The following ZNF385D variants were observed in gnomAD, a reference collection of about 807,000 sequenced individuals.
ZNF385D encodes zinc finger protein 385D.
In ZNF385D, 15 loss-of-function variants were observed where a neutral mutation model predicts 35.8. That is an observed-to-expected ratio of 0.42 (90% confidence interval 0.28 to 0.64). ZNF385D has a LOEUF of 0.64. Among genes scored for constraint, ZNF385D ranks in the 30% least tolerant of loss-of-function variants. The pLI, the probability that ZNF385D is intolerant of heterozygous loss-of-function variation, is 0.23. For synonymous variants in ZNF385D, 212 were observed against 186.8 expected, an observed-to-expected ratio of 1.13 and a Z score of -1.10; for missense variants, 474 against 494.6, an observed-to-expected ratio of 0.96 and a Z score of 0.39.
intron 1 of ZNF385D, among the ~76,000 whole-genome samples, chr3:21,696,331 C>A (rs186150643): frequency 1.3e-5 from 2 of 152,184 alleles, no homozygotes; most frequent in South Asian, 2.1e-4. Context: ...GTTACTTTAT[C>A]TATGAAATGG....
intron 2 of ZNF385D, among the ~76,000 whole-genome samples, chr3:22,251,518 C>T (rs924347358): frequency 6.6e-6 from 1 of 152,086 alleles, no homozygotes; most frequent in East Asian, 1.9e-4. Flanking sequence ...TCCACCTTTA[C>T]CTTAGACCAG....
chr3:22,068,640 T>C (rs1700083780), intron 3 of ZNF385D, among the ~76,000 whole-genome samples: 2 of 152,248 alleles, frequency 1.3e-5, no homozygotes, highest in Admixed American at 6.5e-5. Context: ...TTGATCTTTC[T>C]TTGGCTCTTC....
chr3:21,972,608 G>A (rs1703332155), intron 3 of ZNF385D, among the ~76,000 whole-genome samples: 1 of 151,360 alleles, frequency 6.6e-6, no homozygotes, highest in Non-Finnish European at 1.5e-5. Flanking sequence ...GAAATTGAAA[G>A]GTTAAAACAA....
intron 3 of ZNF385D, among the ~76,000 whole-genome samples, chr3:22,138,838 G>A (rs1425191971): frequency 3.9e-5 from 6 of 152,030 alleles, no homozygotes; most frequent in Admixed American, 1.3e-4. Flanking sequence ...AAACTAAAGA[G>A]CTTCTGCACA....
intron 2 of ZNF385D, among the ~76,000 whole-genome samples, chr3:22,340,053 G>T (rs935607876): frequency 1.3e-5 from 2 of 152,084 alleles, no homozygotes; most frequent in Admixed American, 6.5e-5. Context: ...CATTTTCATA[G>T]ATTCAATTAA....
At chr3:21,672,607 T>A (rs1339454064) in intron 1 of ZNF385D, among the ~76,000 whole-genome samples, 1 of 152,174 alleles carries the variant, frequency 6.6e-6, no homozygotes, top group African/African-American at 2.4e-5. Flanking sequence ...TTCGATCTTT[T>A]CCCATGAAGG....
chr3:21,929,431 T>A (rs1015250756), intron 3 of ZNF385D, among the ~76,000 whole-genome samples: 2 of 152,122 alleles, frequency 1.3e-5, no homozygotes, highest in African/African-American at 2.4e-5. Flanking sequence ...ATCTTGCCAA[T>A]TTTTATTTAT....
intron 3 of ZNF385D, among the ~76,000 whole-genome samples, chr3:21,779,289 T>C (rs2071404731): frequency 6.6e-6 from 1 of 152,020 alleles, no homozygotes; most frequent in African/African-American, 2.4e-5. Flanking sequence ...AATTGACTTC[T>C]AACTCAGTGA....
chr3:21,948,797 T>C (rs1433459656), intron 3 of ZNF385D, among the ~76,000 whole-genome samples: 4 of 152,134 alleles, frequency 2.6e-5, no homozygotes, highest in Admixed American at 2.6e-4. Flanking sequence ...AAATTAACTA[T>C]TATGTTACAA....
intron 2 of ZNF385D, among the ~76,000 whole-genome samples, chr3:21,649,613 CTT>C (rs2065854992): frequency 6.6e-6 from 1 of 152,182 alleles, no homozygotes. Context: ...GCTTCAGTCT[CTT>C]TCATTGAAAG....
chr3:22,227,367 T>C (rs1429359665), intron 2 of ZNF385D, among the ~76,000 whole-genome samples: 1 of 152,122 alleles, frequency 6.6e-6, no homozygotes, highest in Non-Finnish European at 1.5e-5. Context: ...TCTGATTGTG[T>C]GTCATAAGAC....
intron 3 of ZNF385D, among the ~76,000 whole-genome samples, chr3:21,907,406 A>G (rs1005131502): frequency 3.9e-5 from 6 of 152,180 alleles, no homozygotes; most frequent in African/African-American, 1.4e-4. Context: ...GTATAATAAA[A>G]TCCATTTTCA....
chr3:21,498,571 G>A (rs1458102734), intron 4 of ZNF385D, among the ~76,000 whole-genome samples: 3 of 120,612 alleles, frequency 2.5e-5, no homozygotes, highest in East Asian at 5.4e-4. Context: ...TTCAAAAGAA[G>A]ACATACACAT....
At chr3:21,622,055 T>C (rs534681588) in intron 2 of ZNF385D, among the ~76,000 whole-genome samples, 3 of 152,248 alleles carry the variant, frequency 2.0e-5, no homozygotes, top group East Asian at 3.9e-4. Context: ...CTCAACCTGC[T>C]AATAAAAGGT....
intron 2 of ZNF385D, among the ~76,000 whole-genome samples, chr3:22,290,295 C>G (rs1320873378): frequency 6.6e-6 from 1 of 152,114 alleles, no homozygotes. Context: ...AATATGAATG[C>G]TCTCCTCAGA....
intron 2 of ZNF385D, among the ~76,000 whole-genome samples, chr3:21,597,591 C>T (rs2064161752): frequency 6.6e-6 from 1 of 151,580 alleles, no homozygotes. Flanking sequence ...TAGGTAGGAC[C>T]ATAAAAAAAA....
intron 2 of ZNF385D, among the ~76,000 whole-genome samples, chr3:21,628,976 AG>A (rs2065208051): frequency 6.6e-6 from 1 of 152,088 alleles, no homozygotes; most frequent in African/African-American, 2.4e-5. Context: ...ATGACTATTA[AG>A]GGCAAGACCA....
rs138982126 is a variant in ZNF385D at position 22,356,824 on chromosome 3, A to T, written c.106+15626T>A. On this transcript the variant is annotated intron_variant, in intron 2 of 5. Transcript: ENST00000494108. ...GATAGATAGCTCTGAACATTTTACAAAGTAGATTCAAGGTGAAATATTTAA... is the reference window on the plus strand; with the variant it reads ...GATAGATAGCTCTGAACATTTTACATAGTAGATTCAAGGTGAAATATTTAA... 3.9e-4 allele frequency among the ~76,000 whole-genome samples: 60 copies of T among 151,996 alleles called. 1 individual carries two copies. In the East Asian group the frequency reaches 8.7e-3, roughly 22 times the overall value.
chr3:22,365,757 T>C (rs762310063), intron 2 of ZNF385D, among the ~76,000 whole-genome samples: 1 of 152,124 alleles, frequency 6.6e-6, no homozygotes, highest in Non-Finnish European at 1.5e-5. Flanking sequence ...CAAGTACTTT[T>C]GGTCTTTCCT....
Sources: allele counts gnomAD v4.1 joint callset (sites outside exome capture counted in the v4.1 genomes callset), GRCh38; gene constraint gnomAD v4.1.1; transcripts MANE v1.5; gene names NCBI Gene and HGNC (gene_info 2026-07-23, HGNC 2026-07-21).